The following GALNT13 variants were observed in gnomAD, a reference collection of about 807,000 sequenced individuals.
GALNT13 encodes polypeptide N-acetylgalactosaminyltransferase 13.
GALNT13 carries 28 observed loss-of-function variants against 64.2 expected under a neutral mutation model. That is an observed-to-expected ratio of 0.44 (90% confidence interval 0.32 to 0.60). The LOEUF (loss-of-function observed/expected upper bound fraction) is 0.60, where lower values mean the gene tolerates loss of function less well. Among genes scored for constraint, GALNT13 ranks in the 20% least tolerant of loss-of-function variants. The probability of loss-of-function intolerance (pLI) is 0.05; values close to 1 mark genes in which losing one functional copy is unlikely to be tolerated. For synonymous variants in GALNT13, 214 were observed against 224.6 expected, an observed-to-expected ratio of 0.95 and a Z score of 0.42; for missense variants, 577 against 669.8, an observed-to-expected ratio of 0.86 and a Z score of 1.53.
At chr2:153,818,396 G>A in the GALNT13 span, among the ~76,000 whole-genome samples, 7 of 152,146 alleles carry the variant, frequency 4.6e-5, no homozygotes, top group African/African-American at 1.7e-4. Flanking sequence ...CTACCCCGCT[G>A]TTTCTCACCA....
the GALNT13 span, among the ~76,000 whole-genome samples, chr2:153,838,307 T>C: frequency 6.6e-6 from 1 of 151,934 alleles, no homozygotes; most frequent in African/African-American, 2.4e-5. Flanking sequence ...TGGTGTGATA[T>C]CCAAAAAAGC....
chr2:153,245,613 C>A, the GALNT13 span, among the ~76,000 whole-genome samples: 54 of 152,062 alleles, frequency 3.6e-4, no homozygotes, highest in Non-Finnish European at 5.6e-4. Context: ...GACCTCCCCC[C>A]CTCCCAACAC....
At chr2:153,946,542 A>T (rs1338461104) in intron 3 of GALNT13, among the ~76,000 whole-genome samples, 1 of 152,110 alleles carries the variant, frequency 6.6e-6, no homozygotes, top group East Asian at 1.9e-4. Flanking sequence ...AGGTGCTAGC[A>T]GATGCAACGT....
the GALNT13 span, among the ~76,000 whole-genome samples, chr2:153,660,891 A>T: frequency 5.8e-3 from 888 of 152,284 alleles, 7 homozygotes; most frequent in African/African-American, 0.02. Context: ...TCACATGACC[A>T]AGCATAGCAA....
At chr2:153,966,262 A>T in intron 3 of GALNT13, among the ~76,000 whole-genome samples, 1 of 129,534 alleles carries the variant, frequency 7.7e-6, no homozygotes, top group African/African-American at 3.0e-5. Flanking sequence ...TGAATATGTC[A>T]TCCCATTCCC....
chr2:153,896,163 T>C (rs1376968859), intron 1 of GALNT13, among the ~76,000 whole-genome samples: 1 of 141,510 alleles, frequency 7.1e-6, no homozygotes, highest in Non-Finnish European at 1.6e-5. Context: ...ACCACTTATA[T>C]TGCTAATCTT....
At chr2:153,163,707 C>A in the GALNT13 span, among the ~76,000 whole-genome samples, 3 of 152,204 alleles carry the variant, frequency 2.0e-5, no homozygotes, top group Non-Finnish European at 4.4e-5. Context: ...GTCACTTTGC[C>A]TCTTAAGGAC....
the GALNT13 span, among the ~76,000 whole-genome samples, chr2:153,696,223 G>C: frequency 6.6e-6 from 1 of 152,144 alleles, no homozygotes; most frequent in African/African-American, 2.4e-5. Flanking sequence ...GAGTCCAAAA[G>C]CTGAAGAAAC....
chr2:154,347,383 T>C (rs1196750323), intron 9 of GALNT13, among the ~76,000 whole-genome samples: 1 of 152,200 alleles, frequency 6.6e-6, no homozygotes, highest in African/African-American at 2.4e-5. Flanking sequence ...TTTTTAAAGC[T>C]TTTAACATAA....
At chr2:154,361,934 A>C (rs1697092420) in intron 9 of GALNT13, among the ~76,000 whole-genome samples, 1 of 152,106 alleles carries the variant, frequency 6.6e-6, no homozygotes. Flanking sequence ...AATATGACTC[A>C]TCTCTCAAGA....
chr2:153,795,617 C>T, the GALNT13 span, among the ~76,000 whole-genome samples: 1 of 151,972 alleles, frequency 6.6e-6, no homozygotes, highest in Non-Finnish European at 1.5e-5. Context: ...ACTTTATGAC[C>T]TCTACATAAA....
the GALNT13 span, among the ~76,000 whole-genome samples, chr2:153,413,059 T>A: frequency 6.6e-6 from 1 of 151,986 alleles, no homozygotes; most frequent in Admixed American, 6.6e-5. Flanking sequence ...CAGTTAAGGA[T>A]GAGGTGAGGG....
At chr2:153,822,692 G>A in the GALNT13 span, among the ~76,000 whole-genome samples, 10 of 151,478 alleles carry the variant, frequency 6.6e-5, no homozygotes, top group East Asian at 1.9e-3. Flanking sequence ...AAAGCTGGAA[G>A]CATTCCCCTT....
chr2:154,257,743 A>G (rs1015201433), intron 7 of GALNT13: 9 of 152,150 alleles, frequency 5.9e-5, no homozygotes, highest in African/African-American at 1.9e-4. Context: ...TCCAAGTACA[A>G]TATTATTTGG....
At chr2:154,194,108 T>TC (rs1686747600) in intron 4 of GALNT13, among the ~76,000 whole-genome samples, 2 of 152,202 alleles carry the variant, frequency 1.3e-5, no homozygotes, top group African/African-American at 4.8e-5. Context: ...ACTTACTGAA[T>TC]TAGAACCTCA....
the GALNT13 span, among the ~76,000 whole-genome samples, chr2:153,263,778 C>T: frequency 6.6e-6 from 1 of 152,108 alleles, no homozygotes; most frequent in Non-Finnish European, 1.5e-5. Flanking sequence ...CTTCCTTACA[C>T]CTTATACAAA....
At chr2:153,723,277 T>C in the GALNT13 span, among the ~76,000 whole-genome samples, 1 of 149,806 alleles carries the variant, frequency 6.7e-6, no homozygotes, top group Non-Finnish European at 1.5e-5. Context: ...AAACTCTCAA[T>C]AAATTAGGTA....
chr2:153,569,516 CT>C, the GALNT13 span, among the ~76,000 whole-genome samples: 39 of 75,640 alleles, frequency 5.2e-4, 1 homozygote, highest in African/African-American at 1.3e-3. Context: ...CCTTTTTATT[CT>C]TTTTTTTTTA....
the GALNT13 span, among the ~76,000 whole-genome samples, chr2:153,208,412 G>T: frequency 6.6e-6 from 1 of 151,886 alleles, no homozygotes; most frequent in Non-Finnish European, 1.5e-5. Context: ...GAGTATTTTT[G>T]TTGCCTTTTG....
Sources: gnomAD v4.1 joint callset for allele counts (sites outside exome capture counted in the v4.1 genomes callset) on GRCh38, gnomAD v4.1.1 for gene constraint, MANE v1.5 for transcripts, NCBI Gene and HGNC (gene_info 2026-07-23, HGNC 2026-07-21) for gene names.